The following SARDH variants were observed in gnomAD, a reference collection of about 807,000 sequenced individuals.
SARDH encodes the protein sarcosine dehydrogenase, mitochondrial.
Under a neutral mutation model 109.1 loss-of-function variants are expected in SARDH, and 95 were observed. The ratio of observed to expected loss-of-function variants is 0.87; its 90% CI spans 0.74 to 1.03. The LOEUF (loss-of-function observed/expected upper bound fraction) is 1.03, where lower values mean the gene tolerates loss of function less well. Among genes scored for constraint, SARDH ranks in the 50% least tolerant of loss-of-function variants. SARDH has a pLI of 0.00. For missense variants in SARDH, 1,267 were observed against 1,287.8 expected (o/e 0.98, Z 0.25); for synonymous variants, 572 against 534.8 (o/e 1.07, Z -0.96).
chr9:133,734,229 G>T, intron 1 of SARDH, 26 bp from the exon 2 acceptor site: 1 of 1,428,724 alleles, frequency 7.0e-7, no homozygotes, highest in Non-Finnish European at 9.3e-7. Context: ...GAGCTGGGTG[G>T]GGTGCAGAGG....
chr9:133,661,332 CCT>C (rs1445216288), downstream of SARDH, among the ~76,000 whole-genome samples: 23 of 151,236 alleles, frequency 1.5e-4, no homozygotes, highest in East Asian at 7.8e-4. Flanking sequence ...AGAGTAAAAC[CCT>C]GTCTCAAAAA....
At chr9:133,662,325 G>A (rs1564218891), downstream of SARDH, among the ~76,000 whole-genome samples, 1 of 152,160 alleles carries the variant, frequency 6.6e-6, no homozygotes, top group Non-Finnish European at 1.5e-5. This position sits in a 1 kb window ranked among gnomAD's most constrained non-coding sequence, Gnocchi z 5.1. Flanking sequence ...TGGGCCGTGA[G>A]ATGAATGTGG....
At position 133,718,705 on chromosome 9, in the gene SARDH, G is replaced by A. The variant is rs759065107; in HGVS notation, c.1020+233C>T. ...ACTCCACACTGCGCAGACCTTCTCT[G>A]TGGATGTTTTGAGGCAAAGCCCTCC... On this transcript the variant is annotated intron_variant, in intron 7 of 20. Transcript: ENST00000439388. This position sits in a 1 kb window ranked among gnomAD's most constrained non-coding sequence, Gnocchi z 4.2. The A allele has an allele frequency of 2.6e-6, 2 of 779,700 alleles. No homozygotes were observed. The highest frequency in any genetic ancestry group is 4.9e-5 in the East Asian group (2 of 41,184). 48.3% of individuals were successfully genotyped at this position (779,700 alleles called of 1,614,324 possible).
At chr9:133,674,280 G>A (rs1386311828) in intron 17 of SARDH, among the ~76,000 whole-genome samples, 1 of 152,262 alleles carries the variant, frequency 6.6e-6, no homozygotes, top group South Asian at 2.1e-4. Flanking sequence ...CGCCCATGGG[G>A]GTCGGCCCAC....
Position 133,734,039 on chromosome 9 carries a change from G to T in SARDH, c.135C>A (p.Thr45=), listed in dbSNP as rs1281644645. 3.1e-6 allele frequency: 5 copies of T among 1,613,246 alleles called. No individual in the cohort carries two copies. The highest frequency in any genetic ancestry group is 4.2e-6 in the Non-Finnish European group (5 of 1,179,968). ...CCGAGGTGCCCTGTCCCTCCTTCAG[G>T]GTCCGCTGATATGGCACACTCTTCT... ...TAEKSVPYQR[T]LKEGQGTSVV... Residue 45 remains threonine, a synonymous_variant, in exon 2 of 21, where the codon ACC becomes ACA. Coordinates refer to ENST00000439388, the MANE Select transcript of SARDH (RefSeq NM_001134707.2).
chr9:133,718,815 C>T lies in SARDH; in HGVS notation c.1020+123G>A, dbSNP rs867922146. On this transcript the variant is annotated intron_variant, in intron 7 of 20. Transcript: ENST00000439388. This position sits in a 1 kb window ranked among gnomAD's most constrained non-coding sequence, Gnocchi z 4.2. ...CTTTGAGCTTGGTGGGGTCAGGGGA[C>T]CGGCCACTTCTCAGGTGTGCCTCTG... 4.2e-5 allele frequency: 36 copies of T among 847,564 alleles called. No homozygotes were observed. The African/African-American group carries it at 5.1e-4, about 12-fold the overall frequency. 52.5% of individuals were successfully genotyped at this position (847,564 alleles called of 1,614,324 possible).
chr9:133,667,763 T>C (rs129931), intron 19 of SARDH, among the ~76,000 whole-genome samples: 88,408 of 151,916 alleles, frequency 0.58, 26,260 homozygotes, highest in East Asian at 0.79. Context: ...CTGGAGTCAC[T>C]GTTTGGGTCC....
At position 133,701,856 on chromosome 9, in the gene SARDH, A is replaced by G. The variant is rs191894312; in HGVS notation, c.1668+1060T>C. Among the ~76,000 whole-genome samples the G allele has an allele frequency of 5.3e-3, 807 of 152,360 alleles. 4 individuals carry two copies. The highest frequency in any genetic ancestry group is 9.2e-3 in the Non-Finnish European group (625 of 68,024). ...CGGTTTATTCCCTTCAGAACTGGCT[A>G]CAGAACCCAGTGCGGGACCCAGTGG... On this transcript the variant is annotated intron_variant, in intron 13 of 20. Coordinates refer to ENST00000439388, the MANE Select transcript of SARDH (RefSeq NM_001134707.2).
At chr9:133,681,680 G>A (rs768127514) in intron 17 of SARDH, among the ~76,000 whole-genome samples, 13 of 152,208 alleles carry the variant, frequency 8.5e-5, no homozygotes, top group South Asian at 4.1e-4. Context: ...CACTGGGAAC[G>A]GATCGTTAAG....
In SARDH at chr9:133,693,984, C is replaced by T. The variant is rs543783884; in HGVS notation, c.1921+274G>A. Reference sequence around the variant, plus strand: ...TTGTTCCGGGAAACCGAGCCGAGCACGCCCACACTGCAGCCACTCCGAACC... The same window carrying T: ...TTGTTCCGGGAAACCGAGCCGAGCATGCCCACACTGCAGCCACTCCGAACC... On this transcript the variant is annotated intron_variant, in intron 15 of 20. Coordinates refer to ENST00000439388, the MANE Select transcript of SARDH (RefSeq NM_001134707.2). The surrounding 1 kb of genome is among the most constrained non-coding windows in gnomAD (Gnocchi z 5.6). Among the ~76,000 whole-genome samples the T allele has an allele frequency of 3.3e-5, 5 of 152,352 alleles. No homozygotes were observed. The highest frequency in any genetic ancestry group is 7.2e-5 in the African/African-American group (3 of 41,588).
At position 133,712,790 on chromosome 9, in the gene SARDH, C is replaced by T. The variant is rs1394677119; in HGVS notation, c.1238-81G>A. On this transcript the variant is annotated intron_variant, in intron 9 of 20. Coordinates refer to ENST00000439388, the MANE Select transcript of SARDH (RefSeq NM_001134707.2). The surrounding 1 kb of genome is among the most constrained non-coding windows in gnomAD (Gnocchi z 4.1). Reference sequence around the variant, plus strand: ...GTCCAAACATGTGCCCCCATCTCCACGGACAGCACAGACACTCCAAGCTCT... The same window carrying T: ...GTCCAAACATGTGCCCCCATCTCCATGGACAGCACAGACACTCCAAGCTCT... The T allele has an allele frequency of 2.2e-6, 3 of 1,337,740 alleles. No homozygotes were observed. The highest frequency in any genetic ancestry group is 2.3e-5 in the East Asian group (1 of 42,976). The allele number at this position is 1,337,740 out of a possible 1,614,324, so 82.9% of individuals were successfully genotyped here. A position where few individuals can be genotyped will look rare whatever the true frequency, so the allele number is the denominator to read the frequency against.
chr9:133,699,053 T>C (rs974919528), intron 13 of SARDH, among the ~76,000 whole-genome samples: 1 of 152,148 alleles, frequency 6.6e-6, no homozygotes, highest in Non-Finnish European at 1.5e-5. Context: ...TGCAACTCAA[T>C]AATAAAAAGA....
intron 10 of SARDH, 103 bp from the exon 11 acceptor site, chr9:133,708,531 A>AGTCC: frequency 7.1e-7 from 1 of 1,414,378 alleles, no homozygotes; most frequent in Non-Finnish European, 9.4e-7. Flanking sequence ...CCTGCACCAG[A>AGTCC]GTCCCCTTTG....
chr9:133,698,031 G>C (rs76390478), intron 13 of SARDH, among the ~76,000 whole-genome samples: 1 of 105,854 alleles, frequency 9.4e-6, no homozygotes. Flanking sequence ...AGAAAAAAAA[G>C]AAAAAAAACT....
At position 133,721,203 on chromosome 9, in the gene SARDH, C is replaced by CCA. The variant is rs769085495; in HGVS notation, c.916-2162_916-2161insTG. On this transcript the variant is annotated intron_variant, in intron 6 of 20. Transcript: ENST00000439388. ...GTGCCCACCAAGCCCTGAGTCTGGA[C>CCA]AGAGGCCTGCACCAAGGCCACGCCG... Among the ~76,000 whole-genome samples, 158 of 152,318 alleles carry CCA rather than the reference C, an allele frequency of 1.0e-3. 1 individual carries two copies. The Middle Eastern group carries it at 0.017, about 17-fold the overall frequency.
At chr9:133,661,674 C>G (rs369435828), downstream of SARDH, among the ~76,000 whole-genome samples, 3 of 151,988 alleles carry the variant, frequency 2.0e-5, no homozygotes, top group South Asian at 6.2e-4. Flanking sequence ...AGAGATGAGA[C>G]TTCACCATAT....
intron 17 of SARDH, among the ~76,000 whole-genome samples, chr9:133,679,290 G>A (rs1008015308): frequency 4.6e-4 from 70 of 152,242 alleles, no homozygotes; most frequent in African/African-American, 1.6e-3. Context: ...TGTTTAGGCA[G>A]TGGCTGGAAC....
intron 19 of SARDH, among the ~76,000 whole-genome samples, chr9:133,668,271 C>T (rs1308448449): frequency 7.3e-6 from 1 of 137,596 alleles, no homozygotes; most frequent in Admixed American, 7.4e-5. Context: ...CGGCTCCACT[C>T]ACCGTCCCTC....
At chr9:133,670,490 T>A in intron 19 of SARDH, 94 bp downstream of exon 19, 1 of 1,349,098 alleles carries the variant, frequency 7.4e-7, no homozygotes, top group Non-Finnish European at 1.0e-6. Flanking sequence ...GAAGTGTTGG[T>A]ACCAGGGGCT....
Sources: gnomAD v4.1 joint callset for allele counts (sites outside exome capture counted in the v4.1 genomes callset) on GRCh38, gnomAD v4.1.1 for gene constraint, Gnocchi (gnomAD v3.1) non-coding constraint, MANE v1.5 for transcripts, NCBI Gene and HGNC (gene_info 2026-07-23, HGNC 2026-07-21) for gene names.